The following MAMDC2 variants were observed in gnomAD, a reference collection of about 807,000 sequenced individuals.
MAMDC2 encodes MAM domain containing 2, also known as MAM domain-containing protein 2.
A neutral mutation model predicts 89.8 loss-of-function variants in MAMDC2; 57 were observed. The observed-to-expected ratio is 0.63, with a 90% CI of 0.51 to 0.79. MAMDC2 has a LOEUF of 0.79. Among genes scored for constraint, MAMDC2 ranks in the 30% least tolerant of loss-of-function variants. The pLI is 0.00. For missense variants in MAMDC2, 800 were observed against 820.6 expected, an observed-to-expected ratio of 0.97 and a Z score of 0.31; for synonymous variants, 313 against 293.4, an observed-to-expected ratio of 1.07 and a Z score of -0.68.
intron 5 of MAMDC2, 99 bp downstream of exon 5, chr9:70,113,231 G>A (rs1372810061): frequency 1.5e-6 from 2 of 1,373,346 alleles, no homozygotes; most frequent in East Asian, 4.9e-5. Flanking sequence ...TGTCAACAGG[G>A]AAGAGAGGAG....
chr9:70,212,925 AG>A (rs1564002088), intron 11 of MAMDC2, among the ~76,000 whole-genome samples: 1 of 152,148 alleles, frequency 6.6e-6, no homozygotes, highest in East Asian at 1.9e-4. Context: ...TGGTTAGAGG[AG>A]GCTGTGCAGG....
intron 2 of MAMDC2, chr9:70,086,776 C>A (rs1827778813): frequency 6.6e-6 from 1 of 152,102 alleles, no homozygotes; most frequent in Non-Finnish European, 1.5e-5. Context: ...TCTTACTGGG[C>A]CCCAGCTGAG....
chr9:70,221,407 AGT>A lies in MAMDC2; in HGVS notation c.1911+2812_1911+2813del, dbSNP rs61048342. Among the ~76,000 whole-genome samples, 504 of 119,864 alleles carry A rather than the reference AGT, an allele frequency of 4.2e-3. 114 individuals are homozygous for A. Among genetic ancestry groups the A allele is most frequent in the Non-Finnish European group, 5.9e-3 (338 of 57,432 alleles). 78.6% of individuals were successfully genotyped at this position (119,864 alleles called of 152,430 possible). A position where few individuals can be genotyped will look rare whatever the true frequency, so the allele number is the denominator to read the frequency against. On this transcript the variant is annotated intron_variant, in intron 12 of 13. Transcript: ENST00000377182. ...GAGAGAGAGAGAGAGAGAGAGAGAG[AGT>A]AACATCAGATAACAAGTGCTATGAA...
chr9:70,133,947 G>C (rs12342880), intron 7 of MAMDC2, among the ~76,000 whole-genome samples: 12 of 152,220 alleles, frequency 7.9e-5, no homozygotes, highest in Non-Finnish European at 1.2e-4. Context: ...TCATTGAGCA[G>C]CTGTGGGCCA....
intron 11 of MAMDC2, among the ~76,000 whole-genome samples, chr9:70,212,971 G>T (rs1227569590): frequency 6.6e-6 from 1 of 152,112 alleles, no homozygotes; most frequent in Non-Finnish European, 1.5e-5. Flanking sequence ...AAACCTGTTG[G>T]GAAGAACTGG....
At chr9:70,067,847 ACTC>A (rs1387988234) in intron 2 of MAMDC2, among the ~76,000 whole-genome samples, 2 of 151,654 alleles carry the variant, frequency 1.3e-5, no homozygotes, top group Non-Finnish European at 2.9e-5. Flanking sequence ...CATGACAAAA[ACTC>A]CTCATTGAGT....
At chr9:70,196,460 C>G (rs2032976924) in intron 11 of MAMDC2, among the ~76,000 whole-genome samples, 1 of 152,016 alleles carries the variant, frequency 6.6e-6, no homozygotes, top group Non-Finnish European at 1.5e-5. Context: ...AATGTTGCAA[C>G]AGAAAGCATT....
intron 9 of MAMDC2, among the ~76,000 whole-genome samples, chr9:70,158,710 G>A (rs763191959): frequency 2.0e-5 from 3 of 151,628 alleles, no homozygotes; most frequent in Non-Finnish European, 2.9e-5. Context: ...AAATGTGTTT[G>A]TTAGGCAATT....
chr9:70,207,587 T>C (rs919650273), intron 11 of MAMDC2, among the ~76,000 whole-genome samples: 2 of 152,234 alleles, frequency 1.3e-5, no homozygotes, highest in Non-Finnish European at 2.9e-5. Flanking sequence ...AGGTTGCCTG[T>C]TCACTCTGAT....
intron 5 of MAMDC2, among the ~76,000 whole-genome samples, chr9:70,121,040 C>T (rs1374403004): frequency 6.6e-6 from 1 of 152,192 alleles, no homozygotes; most frequent in East Asian, 1.9e-4. Flanking sequence ...GCAGACAACA[C>T]AACTGGAGTG....
chr9:70,166,134 G>A (rs1057214942), intron 9 of MAMDC2, among the ~76,000 whole-genome samples: 7 of 151,772 alleles, frequency 4.6e-5, no homozygotes, highest in Non-Finnish European at 8.8e-5. Context: ...CCAGTTACTC[G>A]GGAGGCTGAG....
At chr9:70,081,920 C>T (rs12002407) in intron 2 of MAMDC2, 5 of 151,862 alleles carry the variant, frequency 3.3e-5, no homozygotes. Context: ...CAATTACAAT[C>T]AAATCACCTA....
intron 12 of MAMDC2, among the ~76,000 whole-genome samples, chr9:70,223,843 T>C (rs993410961): frequency 6.6e-6 from 1 of 152,188 alleles, no homozygotes; most frequent in Non-Finnish European, 1.5e-5. Flanking sequence ...TTAATCCTAT[T>C]GTCAATGTAG....
intron 5 of MAMDC2, among the ~76,000 whole-genome samples, chr9:70,121,368 T>A (rs974908642): frequency 6.6e-6 from 1 of 152,170 alleles, no homozygotes; most frequent in African/African-American, 2.4e-5. Flanking sequence ...GCAGCATGAC[T>A]GAGAACTGTG....
chr9:70,185,290 A>G (rs1311889798), intron 11 of MAMDC2, among the ~76,000 whole-genome samples: 2 of 152,194 alleles, frequency 1.3e-5, no homozygotes, highest in African/African-American at 4.8e-5. Context: ...GATGCCAGCC[A>G]GAGCTCTCCT....
At chr9:70,155,749 C>T (rs1159064940) in intron 9 of MAMDC2, among the ~76,000 whole-genome samples, 5 of 152,176 alleles carry the variant, frequency 3.3e-5, no homozygotes, top group Non-Finnish European at 7.4e-5. Context: ...CTGCCCTCTG[C>T]CTTCCTCCTC....
At chr9:70,146,343 T>A (rs1317137215) in intron 9 of MAMDC2, among the ~76,000 whole-genome samples, 2 of 152,156 alleles carry the variant, frequency 1.3e-5, no homozygotes, top group Admixed American at 1.3e-4. Flanking sequence ...TAGTCATGGA[T>A]TCAGCCCCAG....
chr9:70,067,985 G>A (rs1435057057), intron 2 of MAMDC2, among the ~76,000 whole-genome samples: 1 of 152,186 alleles, frequency 6.6e-6, no homozygotes, highest in Non-Finnish European at 1.5e-5. Flanking sequence ...TCTTTAAAAT[G>A]AAGAGAATCC....
intron 7 of MAMDC2, among the ~76,000 whole-genome samples, chr9:70,137,723 C>G (rs907531495): frequency 2.0e-5 from 3 of 152,168 alleles, no homozygotes; most frequent in Non-Finnish European, 4.4e-5. Context: ...TTATTCAACA[C>G]ATGTCCTCTC....
Sources: gnomAD v4.1 joint callset for allele counts (sites outside exome capture counted in the v4.1 genomes callset) on GRCh38, gnomAD v4.1.1 for gene constraint, MANE v1.5 for transcripts, NCBI Gene and HGNC (gene_info 2026-07-23, HGNC 2026-07-21) for gene names.